THSD4: variants seen among roughly 807,000 people sequenced by gnomAD.
The protein encoded by THSD4 is thrombospondin type 1 domain containing 4.
Under a neutral mutation model 119.0 loss-of-function variants are expected in THSD4, and 69 were observed. That is an observed-to-expected ratio of 0.58 (90% CI 0.48 to 0.71). THSD4 has a LOEUF of 0.71. Among genes scored for constraint, THSD4 ranks in the 30% least tolerant of loss-of-function variants. THSD4 has a pLI of 0.00. For missense variants in THSD4, 1,393 were observed against 1,391.1 expected (o/e 1.00, Z -0.02); for synonymous variants, 524 against 540.4 (o/e 0.97, Z 0.42).
chr15:71,731,616 C>CA (rs1047829889), intron 10 of THSD4: 16 of 185,950 alleles, frequency 8.6e-5, no homozygotes, highest in South Asian at 2.4e-4. Context: ...CCTGTCTCTA[C>CA]AAAAAAAATT....
At chr15:71,566,441 T>A (rs1317281200) in intron 7 of THSD4, among the ~76,000 whole-genome samples, 1 of 152,120 alleles carries the variant, frequency 6.6e-6, no homozygotes, top group African/African-American at 2.4e-5. Context: ...TCTCCTTTAA[T>A]CTCCACCAGA....
intron 7 of THSD4, among the ~76,000 whole-genome samples, chr15:71,654,523 A>G (rs1015262150): frequency 5.3e-5 from 8 of 152,350 alleles, no homozygotes; most frequent in African/African-American, 1.9e-4. Flanking sequence ...AAATTCCTAG[A>G]AGAAGAATTT....
intron 8 of THSD4, among the ~76,000 whole-genome samples, chr15:71,691,259 T>G (rs1222705595): frequency 6.6e-6 from 1 of 152,244 alleles, no homozygotes; most frequent in Non-Finnish European, 1.5e-5. Context: ...AAAATCCATT[T>G]CAGACTTCTG....
At chr15:71,142,173 T>C (rs928283826) in intron 2 of THSD4, among the ~76,000 whole-genome samples, 3 of 152,248 alleles carry the variant, frequency 2.0e-5, no homozygotes, top group Admixed American at 1.3e-4. Context: ...TTGTCCCTTA[T>C]GTACAAAACA....
Position 71,777,749 on chromosome 15 carries a change from CTGG to C in THSD4, c.*377_*379del, listed in dbSNP as rs1333949081. 114 of 249,678 alleles carry C rather than the reference CTGG, an allele frequency of 4.6e-4. No individual in the cohort carries two copies. Among genetic ancestry groups the C allele is most frequent in the African/African-American group, 2.3e-3 (105 of 46,234 alleles). The allele number at this position is 249,678 out of a possible 1,614,324, so 15.5% of individuals were successfully genotyped here. ...GAGCACTGCCCCGTCCCTGGTGCTACTGGTCTTTCTAAACTTAGCACCCTGGAG... is the reference window on the plus strand; with the variant it reads ...GAGCACTGCCCCGTCCCTGGTGCTACTCTTTCTAAACTTAGCACCCTGGAG... On this transcript the variant is annotated 3_prime_UTR_variant, in exon 18 of 18. Transcript: ENST00000261862.
rs376974439 is a variant in THSD4 at position 71,243,037 on chromosome 15, C to T, written c.853C>T (p.Arg285Ter). ...GATQSFSQPA[R>*]STAISCIGAY... is the part of the protein sequence containing the mutation. Reference sequence around the variant, plus strand: ...AACTCAGAGCTTCTCTCAGCCTGCCCGATCTACAGCAATCTCATGCATCGG... The same window carrying T: ...AACTCAGAGCTTCTCTCAGCCTGCCTGATCTACAGCAATCTCATGCATCGG... Residue 285 changes from arginine to a stop codon, truncating the protein, a stop_gained, in exon 5 of 18, where the codon CGA becomes TGA. Coordinates refer to ENST00000261862, the MANE Select transcript of THSD4 (RefSeq NM_024817.3). LOFTEE classifies it high-confidence loss of function. The T allele has an allele frequency of 5.6e-6, 9 of 1,614,184 alleles. No homozygotes were observed. Among genetic ancestry groups the T allele is most frequent in the South Asian group, 1.1e-5 (1 of 91,076 alleles).
intron 8 of THSD4, among the ~76,000 whole-genome samples, chr15:71,718,140 C>A (rs1234845353): frequency 9.2e-6 from 1 of 108,398 alleles, no homozygotes; most frequent in African/African-American, 3.2e-5. Flanking sequence ...CAGAGCGAGA[C>A]CCTGTCTCAA....
chr15:71,636,504 A>T (rs2050746438), intron 7 of THSD4, among the ~76,000 whole-genome samples: 1 of 152,110 alleles, frequency 6.6e-6, no homozygotes, highest in African/African-American at 2.4e-5. Flanking sequence ...GTAAACAAAA[A>T]TCAGAGATAC....
chr15:71,616,648 A>G (rs2140919871), intron 7 of THSD4, among the ~76,000 whole-genome samples: 2 of 152,340 alleles, frequency 1.3e-5, no homozygotes, highest in East Asian at 3.9e-4. Context: ...CCTGAATTCA[A>G]TCCACTGTGA....
At chr15:71,097,504 T>A (rs1405834833) in intron 1 of THSD4, among the ~76,000 whole-genome samples, 2 of 151,256 alleles carry the variant, frequency 1.3e-5, no homozygotes, top group Non-Finnish European at 2.9e-5. Context: ...AGGTCAAGGT[T>A]GCCGTCAGCC....
intron 7 of THSD4, among the ~76,000 whole-genome samples, chr15:71,516,602 CTTTTA>C (rs890881996): frequency 2.0e-5 from 3 of 152,122 alleles, no homozygotes; most frequent in African/African-American, 4.8e-5. Flanking sequence ...TTATTTTCAA[CTTTTA>C]TTTTAGTTAT....
intron 6 of THSD4, among the ~76,000 whole-genome samples, chr15:71,400,794 G>C (rs184586440): frequency 1.3e-5 from 2 of 151,424 alleles, no homozygotes; most frequent in Admixed American, 6.6e-5. Context: ...TTACTAGGCT[G>C]CAATTCTTGA....
intron 7 of THSD4, among the ~76,000 whole-genome samples, chr15:71,580,265 T>A (rs1483082556): frequency 2.0e-5 from 3 of 152,142 alleles, no homozygotes; most frequent in Non-Finnish European, 4.4e-5. Flanking sequence ...AGAAGTGACA[T>A]TGGGAAAGAA....
chr15:71,596,622 A>C (rs1041211144), intron 7 of THSD4, among the ~76,000 whole-genome samples: 2 of 152,226 alleles, frequency 1.3e-5, no homozygotes, highest in Non-Finnish European at 2.9e-5. Flanking sequence ...TTTGAATTCT[A>C]AAGTTTCCTG....
At position 71,299,974 on chromosome 15, in the gene THSD4, AAAATAT is replaced by A. The variant is rs1433836151; in HGVS notation, c.1015+43261_1015+43266del. On this transcript the variant is annotated intron_variant, in intron 6 of 17. Coordinates refer to ENST00000261862, the MANE Select transcript of THSD4 (RefSeq NM_024817.3). ...CCTGTCTCTACCAAAAAAAAAAAAAAAAATATATATATATATATATATATATATTAG... is the reference window on the plus strand; with the variant it reads ...CCTGTCTCTACCAAAAAAAAAAAAAAATATATATATATATATATATATTAG... Among the ~76,000 whole-genome samples the A allele has an allele frequency of 2.6e-3, 94 of 36,680 alleles. 3 individuals carry two copies. The South Asian group carries it at 0.095, about 37-fold the overall frequency. 24.1% of individuals were successfully genotyped at this position (36,680 alleles called of 152,430 possible). A position where few individuals can be genotyped will look rare whatever the true frequency, so the allele number is the denominator to read the frequency against.
intron 6 of THSD4, among the ~76,000 whole-genome samples, chr15:71,267,159 T>C (rs11637985): frequency 0.99 from 150,812 of 152,234 alleles, 74,717 homozygotes; most frequent in Middle Eastern, 1. Context: ...GACACATAAT[T>C]GTCAGATTCA....
At chr15:71,335,804 C>T (rs1030852503) in intron 6 of THSD4, among the ~76,000 whole-genome samples, 1 of 152,154 alleles carries the variant, frequency 6.6e-6, no homozygotes, top group Non-Finnish European at 1.5e-5. Flanking sequence ...CTGAGGGCTT[C>T]TCCACATCTG....
At chr15:71,193,488 C>T (rs1230903560) in intron 3 of THSD4, among the ~76,000 whole-genome samples, 2 of 152,166 alleles carry the variant, frequency 1.3e-5, no homozygotes, top group African/African-American at 4.8e-5. Context: ...GCTGCTTGGA[C>T]TGTGGTTCCA....
chr15:71,743,509 A>T (rs960545064), intron 11 of THSD4, among the ~76,000 whole-genome samples: 1 of 152,222 alleles, frequency 6.6e-6, no homozygotes, highest in African/African-American at 2.4e-5. Context: ...GAATTTAATT[A>T]AAAATCTGTT....
Sources: allele counts gnomAD v4.1 joint callset (sites outside exome capture counted in the v4.1 genomes callset), GRCh38; gene constraint gnomAD v4.1.1; transcripts MANE v1.5; gene names NCBI Gene and HGNC (gene_info 2026-07-23, HGNC 2026-07-21).